NR2C2: variants seen among roughly 807,000 people sequenced by gnomAD.
NR2C2 encodes the protein nuclear receptor subfamily 2 group C member 2.
Under a neutral mutation model 62.9 loss-of-function variants are expected in NR2C2, and 6 were observed. The observed-to-expected ratio is 0.10, with a 90% CI of 0.05 to 0.19. The LOEUF (loss-of-function observed/expected upper bound fraction) is 0.19, where lower values mean the gene tolerates loss of function less well. NR2C2 is among the 10% of genes least tolerant of loss of function. The probability of loss-of-function intolerance (pLI) is 1.00; values close to 1 mark genes in which losing one functional copy is unlikely to be tolerated. For missense variants in NR2C2, 479 were observed against 762.7 expected (o/e 0.63, Z 4.38); for synonymous variants, 272 against 273.8 (o/e 0.99, Z 0.07).
intron 12 of NR2C2, chr3:15,038,890 G>A: frequency 3.9e-6 from 2 of 514,624 alleles, no homozygotes; most frequent in East Asian, 3.0e-5. Flanking sequence ...ATGTGGGGCT[G>A]TTCAGACTGG....
At chr3:14,956,566 A>T (rs972429504) in intron 1 of NR2C2, among the ~76,000 whole-genome samples, 2 of 152,028 alleles carry the variant, frequency 1.3e-5, no homozygotes, top group African/African-American at 2.4e-5. Flanking sequence ...TTTTGAGACA[A>T]GAGTTTTACT....
At chr3:14,977,849 C>T (rs1481640048) in intron 1 of NR2C2, among the ~76,000 whole-genome samples, 1 of 151,308 alleles carries the variant, frequency 6.6e-6, no homozygotes, top group East Asian at 1.9e-4. Flanking sequence ...CCTGTAGTCC[C>T]AGCTACTCAG....
At chr3:15,010,552 G>GA (rs879605945) in intron 2 of NR2C2, among the ~76,000 whole-genome samples, 32 of 145,708 alleles carry the variant, frequency 2.2e-4, no homozygotes, top group Admixed American at 3.4e-4. Flanking sequence ...CATCTCTAGA[G>GA]AAAAAAAAAA....
intron 1 of NR2C2, among the ~76,000 whole-genome samples, chr3:14,952,074 A>G (rs1285462548): frequency 6.6e-6 from 1 of 152,218 alleles, no homozygotes; most frequent in African/African-American, 2.4e-5. Flanking sequence ...TCTGTCTCCA[A>G]GGAGTAACAT....
intron 4 of NR2C2, among the ~76,000 whole-genome samples, chr3:15,020,358 C>T (rs1036622843): frequency 1.2e-4 from 18 of 152,214 alleles, no homozygotes; most frequent in Non-Finnish European, 2.4e-4. Flanking sequence ...GGACAGGGGC[C>T]CTGAGCCGCA....
intron 4 of NR2C2, among the ~76,000 whole-genome samples, chr3:15,019,458 T>C (rs1254908168): frequency 6.6e-6 from 1 of 152,152 alleles, no homozygotes; most frequent in Non-Finnish European, 1.5e-5. Flanking sequence ...GTTGAAGAAA[T>C]ATCTGCACTC....
chr3:14,983,678 G>C (rs891420449), intron 1 of NR2C2, among the ~76,000 whole-genome samples: 1 of 152,010 alleles, frequency 6.6e-6, no homozygotes, highest in Non-Finnish European at 1.5e-5. Context: ...AATGCTTATA[G>C]AACACACCAG....
intron 1 of NR2C2, among the ~76,000 whole-genome samples, chr3:14,998,061 C>A (rs76232253): frequency 2.0e-5 from 3 of 152,174 alleles, no homozygotes; most frequent in African/African-American, 7.2e-5. Flanking sequence ...GGTGGTCTTT[C>A]GTGGCTGAGT....
intron 2 of NR2C2, among the ~76,000 whole-genome samples, chr3:15,012,460 A>G (rs1226943719): frequency 2.6e-5 from 4 of 152,162 alleles, no homozygotes. Flanking sequence ...TCCTGACATC[A>G]GGTGATCCTC....
Position 15,045,666 on chromosome 3 carries a change from A to G in NR2C2, c.*2658A>G, listed in dbSNP as rs545074299. The G allele has an allele frequency of 6.5e-6, 1 of 152,802 alleles. No individual in the cohort carries two copies. The highest frequency in any genetic ancestry group is 2.1e-4 in the South Asian group (1 of 4,826). The allele number at this position is 152,802 out of a possible 1,614,324, so 9.5% of individuals were successfully genotyped here. ...TCATCTCCTGTCAGGTTGGTTAAGT[A>G]AAGTCAGCCCAAAGTCAAGAATTAC... On this transcript the variant is annotated 3_prime_UTR_variant, in exon 14 of 14. Coordinates refer to ENST00000425241, the MANE Select transcript of NR2C2 (RefSeq NM_001291694.2).
At chr3:15,029,945 G>A (rs2041934530) in intron 8 of NR2C2, among the ~76,000 whole-genome samples, 1 of 151,132 alleles carries the variant, frequency 6.6e-6, no homozygotes, top group Non-Finnish European at 1.5e-5. Flanking sequence ...GGAAAAGAGA[G>A]AAAGAAAAGA....
intron 1 of NR2C2, among the ~76,000 whole-genome samples, chr3:14,998,818 C>T (rs2040903820): frequency 6.6e-6 from 1 of 152,052 alleles, no homozygotes; most frequent in Admixed American, 6.6e-5. Context: ...GGAGACAAGC[C>T]TGGGCAACAT....
At chr3:15,042,252 CT>C (rs1419288287) in intron 13 of NR2C2, among the ~76,000 whole-genome samples, 2 of 152,118 alleles carry the variant, frequency 1.3e-5, no homozygotes, top group Admixed American at 1.3e-4. Context: ...AAAATGAAAG[CT>C]ATTTTACTGC....
At chr3:15,009,865 G>GT (rs1384871342) in intron 2 of NR2C2, among the ~76,000 whole-genome samples, 1 of 152,132 alleles carries the variant, frequency 6.6e-6, no homozygotes, top group Non-Finnish European at 1.5e-5. Flanking sequence ...CTACCTTCTG[G>GT]TGGGTGCCAG....
intron 1 of NR2C2, among the ~76,000 whole-genome samples, chr3:14,964,039 T>G (rs532455115): frequency 1.3e-5 from 2 of 152,364 alleles, no homozygotes; most frequent in South Asian, 4.1e-4. Context: ...GTATTGGGAT[T>G]AAAATGCTTG....
intron 1 of NR2C2, among the ~76,000 whole-genome samples, chr3:14,952,399 C>T (rs892991603): frequency 2.6e-5 from 4 of 152,128 alleles, no homozygotes; most frequent in Non-Finnish European, 5.9e-5. Flanking sequence ...AGTTCTCTTA[C>T]CTATAAGCCA....
chr3:15,034,423 A>AT (rs2042054716), intron 10 of NR2C2: 1 of 431,650 alleles, frequency 2.3e-6, no homozygotes. Flanking sequence ...ACCTATTAAC[A>AT]TTTTTTTATT....
In NR2C2 at chr3:15,043,286, CA is replaced by C. The variant is rs755314681; in HGVS notation, c.*287del. On this transcript the variant is annotated 3_prime_UTR_variant, in exon 14 of 14. Transcript: ENST00000425241. ...TTAGAAATTCTCAAAGGGCAAAAAA[CA>C]AAAAAAAAGGTTTTATAATGTCAGA... 8.5e-4 allele frequency: 199 copies of C among 234,190 alleles called. No individual in the cohort carries two copies. Among genetic ancestry groups the C allele is most frequent in the Non-Finnish European group, 9.7e-4 (121 of 125,372 alleles). The allele number at this position is 234,190 out of a possible 1,614,324, so 14.5% of individuals were successfully genotyped here.
In NR2C2 at chr3:15,042,910, G is replaced by C; in HGVS notation, c.1693G>C (p.Gly565Arg). The C allele has an allele frequency of 1.2e-6, 2 of 1,613,950 alleles. No homozygotes were observed. Among genetic ancestry groups the C allele is most frequent in the Non-Finnish European group, 1.7e-6 (2 of 1,179,974 alleles). ...SNITEELFFT[G>R]LIGNVSIDSI... is the part of the protein sequence containing the mutation. ...CATAACAGAAGAACTTTTTTTTACTGGTCTCATTGGCAATGTTTCGATAGA... is the reference window on the plus strand; with the variant it reads ...CATAACAGAAGAACTTTTTTTTACTCGTCTCATTGGCAATGTTTCGATAGA... Residue 565 changes from glycine (G) to arginine (R), a missense_variant, in exon 14 of 14, where the codon GGT becomes CGT. Gly to Arg is a moderately radical substitution (Grantham distance 125). Transcript: ENST00000425241.
Sources: allele counts gnomAD v4.1 joint callset (sites outside exome capture counted in the v4.1 genomes callset), GRCh38; gene constraint gnomAD v4.1.1; transcripts MANE v1.5; gene names NCBI Gene and HGNC (gene_info 2026-07-23, HGNC 2026-07-21).